The following RSPH6A variants were observed in gnomAD, a reference collection of about 807,000 sequenced individuals.
The protein encoded by RSPH6A is radial spoke head 6 homolog A, also known as radial spoke head protein 6 homolog A.
Under a neutral mutation model 66.1 loss-of-function variants are expected in RSPH6A, and 49 were observed. That is an observed-to-expected ratio of 0.74 (90% CI 0.59 to 0.94). The LOEUF (loss-of-function observed/expected upper bound fraction) is 0.94. RSPH6A is among the 40% of genes least tolerant of loss of function. RSPH6A has a pLI of 0.00. For synonymous variants in RSPH6A, 419 were observed against 402.4 expected (o/e 1.04, Z -0.49); for missense variants, 977 against 948.3 (o/e 1.03, Z -0.40).
In RSPH6A at chr19:45,814,739, C is replaced by G; in HGVS notation, c.438G>C (p.Leu146Phe). Residue 146 changes from leucine (L) to phenylalanine (F), a missense_variant, in exon 1 of 6, where the codon TTG becomes TTC. Transcript: ENST00000221538. ...CTGTCTGGTAGAGGTTGAACTGGCC[C>G]AAGGGGTTGACTGGGGGCTCCTGGA... ...PTFQEPPVNPLGQFNLYQTDQ... is the reference protein window; with the variant it reads ...PTFQEPPVNPFGQFNLYQTDQ... 6.2e-7 allele frequency: 1 copy of G among 1,613,784 alleles called. No individual in the cohort carries two copies. The highest frequency in any genetic ancestry group is 8.5e-7 in the Non-Finnish European group (1 of 1,179,872).
chr19:45,805,270 G>C (rs148051959), intron 2 of RSPH6A, among the ~76,000 whole-genome samples: 4 of 151,362 alleles, frequency 2.6e-5, no homozygotes, highest in Non-Finnish European at 5.9e-5. Flanking sequence ...AAAAGCAGGT[G>C]CCTGTAATAC....
chr19:45,800,706 C>T (rs909571210), intron 4 of RSPH6A, 143 bp from the exon 5 acceptor site: 6 of 471,298 alleles, frequency 1.3e-5, no homozygotes, highest in South Asian at 2.1e-5. Context: ...GCTCGGGCTG[C>T]GGTGTTTGAA....
Position 45,804,369 on chromosome 19 carries a change from TTCC to T in RSPH6A, c.1533_1535del (p.Glu512del), listed in dbSNP as rs748032860. The T allele has an allele frequency of 6.2e-6, 10 of 1,614,180 alleles. No homozygotes were observed. In the East Asian group the frequency reaches 1.1e-4, roughly 18 times the overall value. ...CGTAGGAGTCGCGCCCAGCACCACC[TTCC>T]TCCTCCTCGTCGCCCTCCTCCTCAC... On this transcript the variant is annotated inframe_deletion, in exon 3 of 6. Coordinates refer to ENST00000221538, the MANE Select transcript of RSPH6A (RefSeq NM_030785.4). This position sits in a 1 kb window ranked among gnomAD's most constrained non-coding sequence, Gnocchi z 5.8.
intron 1 of RSPH6A, 102 bp from the exon 2 acceptor site, chr19:45,810,942 T>C (rs990177809): frequency 1.7e-5 from 15 of 866,970 alleles, no homozygotes; most frequent in South Asian, 3.6e-5. Flanking sequence ...GGGGACACAG[T>C]AGGGAACTGA....
chr19:45,812,407 C>T (rs988474123), intron 1 of RSPH6A, among the ~76,000 whole-genome samples: 1 of 151,830 alleles, frequency 6.6e-6, no homozygotes, highest in Non-Finnish European at 1.5e-5. Flanking sequence ...CCTTTGAAAC[C>T]AAGTTGGTCT....
intron 4 of RSPH6A, among the ~76,000 whole-genome samples, chr19:45,800,828 C>T (rs567833670): frequency 1.1e-4 from 16 of 149,058 alleles, no homozygotes; most frequent in African/African-American, 3.5e-4. Flanking sequence ...AGAGTCTCGT[C>T]GCTTTGTCAC....
intron 5 of RSPH6A, among the ~76,000 whole-genome samples, chr19:45,798,838 C>CA (rs71338800): frequency 0.08 from 6,123 of 77,012 alleles, 175 homozygotes; most frequent in Middle Eastern, 0.21. Flanking sequence ...GACTCTATCT[C>CA]AAAAAAAAAA....
chr19:45,815,107 A>AGGCCTGAGAAGTCCTCCGGCC lies in RSPH6A; in HGVS notation c.49_69dup (p.Gly17_Ala23dup), dbSNP rs1482910375. ...TGGTCCCGACTGTGCCGCCTCTGGGAGGCCTGAGAAGTCCTCCGGCCCGGA... is the reference window on the plus strand; with the variant it reads ...TGGTCCCGACTGTGCCGCCTCTGGGAGGCCTGAGAAGTCCTCCGGCCGGCCTGAGAAGTCCTCCGGCCCGGA... On this transcript the variant is annotated inframe_insertion, in exon 1 of 6. Coordinates refer to ENST00000221538, the MANE Select transcript of RSPH6A (RefSeq NM_030785.4). 1.9e-6 allele frequency: 3 copies of AGGCCTGAGAAGTCCTCCGGCC among 1,612,524 alleles called. No homozygotes were observed. The highest frequency in any genetic ancestry group is 1.7e-6 in the Non-Finnish European group (2 of 1,179,984).
In RSPH6A at chr19:45,804,166, A is replaced by G; in HGVS notation, c.1653+86T>C. The G allele has an allele frequency of 9.6e-7, 1 of 1,039,108 alleles. No individual in the cohort carries two copies. The highest frequency in any genetic ancestry group is 1.4e-6 in the Non-Finnish European group (1 of 710,088). 64.4% of individuals were successfully genotyped at this position (1,039,108 alleles called of 1,614,324 possible). ...AATGAATATTAGTTGCCCAGCAGAGAGTAAGAGCTTGATGTCAGTATTGCA... is the reference window on the plus strand; with the variant it reads ...AATGAATATTAGTTGCCCAGCAGAGGGTAAGAGCTTGATGTCAGTATTGCA... On this transcript the variant is annotated intron_variant, in intron 3 of 5. Transcript: ENST00000221538. This position sits in a 1 kb window ranked among gnomAD's most constrained non-coding sequence, Gnocchi z 5.8.
At position 45,805,015 on chromosome 19, in the gene RSPH6A, C is replaced by T. The variant is rs1970525591; in HGVS notation, c.890G>A (p.Gly297Glu). ...CATGATGTTGGGCACTGGTGTCTCC[C>T]CCTGCGCAGGGTAGGGTGGAGGGCA... ...EGEQEMEEEV[G>E]ETPVPNIMET... Residue 297 changes from glycine (G) to glutamate (E), a missense_variant and splice_region_variant, in exon 3 of 6, where the codon GGG becomes GAG. By Grantham distance (98) the Gly-to-Glu change is moderately conservative. Coordinates refer to ENST00000221538, the MANE Select transcript of RSPH6A (RefSeq NM_030785.4). 6.2e-7 allele frequency: 1 copy of T among 1,606,778 alleles called. No homozygotes were observed. The highest frequency in any genetic ancestry group is 1.3e-5 in the African/African-American group (1 of 74,900).
rs758547114 is a variant in RSPH6A at position 45,802,142 on chromosome 19, T to C, written c.1776A>G (p.Leu592=). 3 of 1,547,398 alleles carry C rather than the reference T, an allele frequency of 1.9e-6. No individual in the cohort carries two copies. Among genetic ancestry groups the C allele is most frequent in the East Asian group, 5.0e-5 (2 of 40,362 alleles). Reference sequence around the variant, plus strand: ...TACCTGCATCTTCTGAAAGTGGCGTTAGCAGTGGGGGGCCAACCTCCTGCT... The same window carrying C: ...TACCTGCATCTTCTGAAAGTGGCGTCAGCAGTGGGGGGCCAACCTCCTGCT... The part of the protein sequence containing the change: ...EVEQEVGPPL[L]TPLSEDAEIM... The change falls in exon 4 of 6, where the codon CTA becomes CTG. Residue 592 remains leucine (L), a synonymous_variant. Transcript: ENST00000221538.
chr19:45,814,470 G>C (rs1267568292), intron 1 of RSPH6A, 57 bp downstream of exon 1: 6 of 1,439,686 alleles, frequency 4.2e-6, no homozygotes, highest in Non-Finnish European at 4.6e-6. Context: ...AGGCACTTCG[G>C]GTGGGGCCCC....
At chr19:45,801,187 G>A (rs1970469909) in intron 4 of RSPH6A, among the ~76,000 whole-genome samples, 1 of 152,210 alleles carries the variant, frequency 6.6e-6, no homozygotes, top group Non-Finnish European at 1.5e-5. Context: ...AGACTCATCT[G>A]GCCTTTGTTG....
At chr19:45,805,701 G>A (rs200032992) in intron 2 of RSPH6A, among the ~76,000 whole-genome samples, 1 of 150,810 alleles carries the variant, frequency 6.6e-6, no homozygotes. Context: ...CAAAAAAAAA[G>A]AGAAAGAAAG....
At position 45,804,314 on chromosome 19, in the gene RSPH6A, C is replaced by T. The variant is rs149295201; in HGVS notation, c.1591G>A (p.Val531Met). The change falls in exon 3 of 6, where the codon GTG becomes ATG. Residue 531 changes from valine to methionine, a missense_variant. Val to Met is a conservative substitution (Grantham distance 21, BLOSUM62 1). Transcript: ENST00000221538. This position sits in a 1 kb window ranked among gnomAD's most constrained non-coding sequence, Gnocchi z 5.8. ...GCCATGGAGTCGACCAGCTCCAGCA[C>T]GGGGATGCCCTCGAAGTCCGGGTTC... is the stretch of plus-strand genomic sequence containing the variant. ...EENPDFEGIP[V>M]LELVDSMANW... is the part of the protein sequence containing the mutation. 2.1e-4 allele frequency: 335 copies of T among 1,614,152 alleles called. 1 individual carries two copies. Among genetic ancestry groups the T allele is most frequent in the Middle Eastern group, 8.3e-4 (5 of 6,060 alleles).
At chr19:45,806,410 C>T (rs913049986) in intron 2 of RSPH6A, among the ~76,000 whole-genome samples, 21 of 152,018 alleles carry the variant, frequency 1.4e-4, no homozygotes, top group African/African-American at 2.9e-4. Flanking sequence ...CAGTGATTCA[C>T]GCCTGTAATC....
intron 5 of RSPH6A, among the ~76,000 whole-genome samples, chr19:45,799,389 T>C (rs1262418957): frequency 3.3e-5 from 5 of 152,150 alleles, no homozygotes; most frequent in African/African-American, 4.8e-5. Context: ...TGAGACAAGG[T>C]CTTGCTCTGT....
At position 45,810,617 on chromosome 19, in the gene RSPH6A, T is replaced by C. The variant is rs1970611597; in HGVS notation, c.874A>G (p.Met292Val). The change falls in exon 2 of 6, where the codon ATG becomes GTG. Residue 292 changes from methionine (M) to valine (V), a missense_variant. Met to Val is a conservative substitution (Grantham distance 21, BLOSUM62 1). Transcript: ENST00000221538. ...GGCTCACTCACCACCTCCTCCTCCA[T>C]CTCCTGTTCGCCTTCAGTGCCGCCT... The part of the protein sequence containing the change: ...SGGGTEGEQE[M>V]EEEVGETPVP... 2 of 1,613,820 alleles carry C rather than the reference T, an allele frequency of 1.2e-6. No homozygotes were observed. The highest frequency in any genetic ancestry group is 1.7e-6 in the Non-Finnish European group (2 of 1,179,936).
In RSPH6A at chr19:45,815,233, C is replaced by G. The variant is rs1008108127; in HGVS notation, c.-57G>C. On this transcript the variant is annotated 5_prime_UTR_variant, in exon 1 of 6. Coordinates refer to ENST00000221538, the MANE Select transcript of RSPH6A (RefSeq NM_030785.4). ...AAGGCTTGCAGACAAGGAGGCCAAGCGAGAGCCACCTGTCGACACCGCCGG... is the reference window on the plus strand; with the variant it reads ...AAGGCTTGCAGACAAGGAGGCCAAGGGAGAGCCACCTGTCGACACCGCCGG... 38 of 1,464,576 alleles carry G rather than the reference C, an allele frequency of 2.6e-5. No homozygotes were observed. In the East Asian group the frequency reaches 9.4e-4, roughly 36 times the overall value. 90.7% of individuals were successfully genotyped at this position (1,464,576 alleles called of 1,614,324 possible).
Sources: gnomAD v4.1 joint callset for allele counts (sites outside exome capture counted in the v4.1 genomes callset) on GRCh38, gnomAD v4.1.1 for gene constraint, Gnocchi (gnomAD v3.1) non-coding constraint, MANE v1.5 for transcripts, NCBI Gene and HGNC (gene_info 2026-07-23, HGNC 2026-07-21) for gene names.